Variants in PKD1L3 observed in about 807,000 individuals in gnomAD.
PKD1L3 encodes the protein polycystin-1-like protein 3.
Under a neutral mutation model 184.1 loss-of-function variants are expected in PKD1L3, and 239 were observed. The observed-to-expected ratio is 1.30, with a 90% CI of 1.17 to 1.45. PKD1L3 has a LOEUF of 1.45. PKD1L3 is among the 40% of genes most tolerant of loss of function. The probability of loss-of-function intolerance (pLI) is 0.00; values close to 1 mark genes in which losing one functional copy is unlikely to be tolerated. For synonymous variants in PKD1L3, 996 were observed against 778.8 expected, an observed-to-expected ratio of 1.28 and a Z score of -4.64; for missense variants, 2,660 against 2,067.2, an observed-to-expected ratio of 1.29 and a Z score of -5.56.
At chr16:71,997,421 C>G (rs1019579879) in intron 2 of PKD1L3, among the ~76,000 whole-genome samples, 3 of 140,290 alleles carry the variant, frequency 2.1e-5, no homozygotes, top group Non-Finnish European at 3.1e-5. Context: ...ACCCCCCCCC[C>G]CACAACCACT....
Position 71,944,108 on chromosome 16 carries a change from C to G in PKD1L3, c.3781G>C (p.Ala1261Pro). ...GGGTGCTTAGTTGGACTATTTATAG[C>G]TGGGGCTACATAGACGGGGTTGTTC... Reference protein sequence around the residue: ...DKNNPVYVAPAINSPTKHPER... With the variant: ...DKNNPVYVAPPINSPTKHPER... The change falls in exon 23 of 30, where the codon GCT becomes CCT. Residue 1261 changes from alanine to proline, a missense_variant. Ala to Pro is a conservative substitution (Grantham distance 27). Transcript: ENST00000620267. 1 of 1,551,526 alleles carries G rather than the reference C, an allele frequency of 6.4e-7. No individual in the cohort carries two copies.
In PKD1L3 at chr16:71,949,993, C is replaced by T. The variant is rs181770873; in HGVS notation, c.3408G>A (p.Leu1136=). 1.0e-5 allele frequency: 16 copies of T among 1,551,274 alleles called. No individual in the cohort carries two copies. The African/African-American group carries it at 1.9e-4, about 19-fold the overall frequency. Residue 1136 remains leucine, a synonymous_variant, in exon 21 of 30, where the codon CTG becomes CTA. Coordinates refer to ENST00000620267, the MANE Select transcript of PKD1L3 (RefSeq NM_181536.2). The part of the protein sequence containing the change: ...PSREVTSFAI[L]SSEEGKKPIS... ...TGGGCTTTTTTCCTTCTTCTGAGCT[C>T]AGGATGGCAAAACTGGTGACTTCCC...
chr16:71,936,795 C>G (rs1423062207), intron 25 of PKD1L3, among the ~76,000 whole-genome samples: 2 of 152,100 alleles, frequency 1.3e-5, no homozygotes, highest in Non-Finnish European at 2.9e-5. Flanking sequence ...TGAGTGCTTG[C>G]TCTTTGTTCA....
intron 3 of PKD1L3, among the ~76,000 whole-genome samples, chr16:71,992,486 ATT>A (rs1351145993): frequency 6.6e-5 from 10 of 152,210 alleles, no homozygotes; most frequent in Non-Finnish European, 1.5e-4. Flanking sequence ...CTTTAACATC[ATT>A]GCATTAATTA....
rs1165858856 is a variant in PKD1L3 at position 71,967,922 on chromosome 16, G to C, written c.2270C>G (p.Ala757Gly). Residue 757 changes from alanine (A) to glycine (G), a missense_variant, in exon 14 of 30, where the codon GCT (alanine) becomes GGT (glycine). By Grantham distance (60) the Ala-to-Gly change is moderately conservative. Coordinates refer to ENST00000620267, the MANE Select transcript of PKD1L3 (RefSeq NM_181536.2). ...IQVYTGYRRSAATTAKVVITL... is the reference protein window; with the variant it reads ...IQVYTGYRRSGATTAKVVITL... Reference sequence around the variant, plus strand: ...TTCATTAACCTTAGCTGTTGTAGCAGCGCTTCTTCGATATCCGGTGTAGAC... The same window carrying C: ...TTCATTAACCTTAGCTGTTGTAGCACCGCTTCTTCGATATCCGGTGTAGAC... 1.9e-6 allele frequency: 3 copies of C among 1,550,810 alleles called. No homozygotes were observed. The African/African-American group carries it at 4.1e-5, about 21-fold the overall frequency.
At chr16:71,950,737 CTTTT>C (rs200363488) in intron 19 of PKD1L3, among the ~76,000 whole-genome samples, 3 of 140,502 alleles carry the variant, frequency 2.1e-5, no homozygotes, top group Non-Finnish European at 4.6e-5. Context: ...GTATTTCTCT[CTTTT>C]TTTTTTTTTT....
intron 5 of PKD1L3, among the ~76,000 whole-genome samples, chr16:71,985,535 C>A (rs1320567774): frequency 1.3e-5 from 2 of 152,130 alleles, no homozygotes; most frequent in African/African-American, 4.8e-5. Flanking sequence ...CCTCCCACCT[C>A]AGCCCCTGCC....
chr16:71,982,892 A>G (rs2040215613), intron 6 of PKD1L3, among the ~76,000 whole-genome samples: 1 of 152,120 alleles, frequency 6.6e-6, no homozygotes, highest in Non-Finnish European at 1.5e-5. Flanking sequence ...CACACCTAGC[A>G]CATGATTATT....
intron 19 of PKD1L3, among the ~76,000 whole-genome samples, chr16:71,951,291 C>T (rs1034867280): frequency 2.0e-5 from 3 of 151,794 alleles, no homozygotes; most frequent in Non-Finnish European, 2.9e-5. Flanking sequence ...CTGCCCACCT[C>T]GGCCTCTCAA....
chr16:71,967,928 C>T lies in PKD1L3; in HGVS notation c.2264G>A (p.Arg755Lys). 6.4e-7 allele frequency: 1 copy of T among 1,551,376 alleles called. No individual in the cohort carries two copies. The highest frequency in any genetic ancestry group is 8.7e-7 in the Non-Finnish European group (1 of 1,146,662). The change falls in exon 14 of 30, where the codon AGA (arginine) becomes AAA (lysine). Residue 755 changes from arginine (R) to lysine (K), a missense_variant. Physicochemically the swap from Arg to Lys is conservative, Grantham distance 26. Coordinates refer to ENST00000620267, the MANE Select transcript of PKD1L3 (RefSeq NM_181536.2). ...YLIQVYTGYR[R>K]SAATTAKVVI... ...AACCTTAGCTGTTGTAGCAGCGCTT[C>T]TTCGATATCCGGTGTAGACCTGAAT...
At chr16:71,968,075 TGAG>T (rs2039568918) in intron 13 of PKD1L3, 68 bp from the exon 14 acceptor site, 9 of 1,282,256 alleles carry the variant, frequency 7.0e-6, no homozygotes, top group Non-Finnish European at 9.8e-6. Flanking sequence ...CTCCTCCAGC[TGAG>T]GAGCAGGAGG....
At chr16:71,944,219 C>G in intron 22 of PKD1L3, 49 bp from the exon 23 acceptor site, 1 of 1,478,076 alleles carries the variant, frequency 6.8e-7, no homozygotes, top group Non-Finnish European at 9.2e-7. Context: ...TTTCATTAAG[C>G]AGTCACTCAC....
intron 10 of PKD1L3, 141 bp downstream of exon 10, chr16:71,978,114 T>C (rs1365072053): frequency 9.6e-7 from 1 of 1,042,946 alleles, no homozygotes. Flanking sequence ...TATCTCTTTG[T>C]AAAAGTTCCT....
intron 16 of PKD1L3, among the ~76,000 whole-genome samples, chr16:71,960,223 T>C (rs568883684): frequency 8.8e-6 from 1 of 113,094 alleles, no homozygotes; most frequent in East Asian, 2.2e-4. Context: ...ATGTGGAAAG[T>C]AGATAAAGGA....
intron 21 of PKD1L3, 40 bp from the exon 22 acceptor site, chr16:71,947,631 C>T: frequency 5.2e-6 from 7 of 1,344,860 alleles, no homozygotes; most frequent in Non-Finnish European, 7.3e-6. Context: ...GCAGACATTA[C>T]AGACCCAGGA....
chr16:71,955,588 G>A (rs916305330), intron 16 of PKD1L3, among the ~76,000 whole-genome samples: 44 of 151,982 alleles, frequency 2.9e-4, no homozygotes, highest in Non-Finnish European at 1.8e-4. Flanking sequence ...CATCCCCCTG[G>A]CTCAAGTGAT....
chr16:71,930,094 CG>C lies in PKD1L3; in HGVS notation c.5015del (p.Ser1672TrpfsTer20). On this transcript the variant is annotated frameshift_variant, in exon 29 of 30. Coordinates refer to ENST00000620267, the MANE Select transcript of PKD1L3 (RefSeq NM_181536.2). LOFTEE classifies it low-confidence loss of function (END_TRUNC). Reference protein sequence around the residue: ...MVLVVINLFVSAILMAFGKER... With the variant: ...MVLVVINLFVXAILMAFGKER... ...CTTTTCCAAAGGCCATGAGAATGGC[CG>C]AAACGAAAAGATTAATTACCACAAG... 1 of 1,551,006 alleles carries C rather than the reference CG, an allele frequency of 6.4e-7. No individual in the cohort carries two copies. Among genetic ancestry groups the C allele is most frequent in the South Asian group, 1.2e-5 (1 of 84,012 alleles).
intron 15 of PKD1L3, among the ~76,000 whole-genome samples, chr16:71,964,271 G>GT (rs2039403903): frequency 8.9e-6 from 1 of 112,082 alleles, no homozygotes; most frequent in Non-Finnish European, 1.8e-5. Context: ...AAGGGTCTGT[G>GT]TTTGTCATGA....
chr16:71,949,691 G>C, intron 21 of PKD1L3, 92 bp downstream of exon 21: 1 of 1,187,594 alleles, frequency 8.4e-7, no homozygotes, highest in Non-Finnish European at 1.2e-6. Context: ...ATGTTACATT[G>C]TCAAAACCAC....
Sources: gnomAD v4.1 joint callset for allele counts (sites outside exome capture counted in the v4.1 genomes callset) on GRCh38, gnomAD v4.1.1 for gene constraint, MANE v1.5 for transcripts, NCBI Gene and HGNC (gene_info 2026-07-23, HGNC 2026-07-21) for gene names.